Variants in NRK observed in about 807,000 individuals in gnomAD.
NRK encodes Nik related kinase, also known as nik-related protein kinase.
NRK carries 67 observed loss-of-function variants against 125.2 expected under a neutral mutation model. The observed-to-expected ratio is 0.54, with a 90% CI of 0.44 to 0.66. The LOEUF is 0.66. Among genes scored for constraint, NRK ranks in the 30% least tolerant of loss-of-function variants. The pLI is 0.00. For synonymous variants in NRK, 458 were observed against 429.0 expected (o/e 1.07, Z -0.84); for missense variants, 1,224 against 1,192.9 (o/e 1.03, Z -0.38).
chrX:105,880,570 C>A (rs958688541), intron 3 of NRK, among the ~76,000 whole-genome samples: 6 of 110,810 alleles, frequency 5.4e-5, no homozygotes, highest in Admixed American at 9.7e-5. Context: ...CCAGGGATAG[C>A]AAAGAAGAGA....
At chrX:105,952,160 T>C (rs940781300) in intron 27 of NRK, among the ~76,000 whole-genome samples, 2 of 112,465 alleles carry the variant, frequency 1.8e-5, no homozygotes, top group African/African-American at 6.4e-5. Flanking sequence ...ATCATGTTAA[T>C]ATGAGAATGA....
intron 2 of NRK, among the ~76,000 whole-genome samples, chrX:105,854,084 T>C (rs1303270261): frequency 8.9e-6 from 1 of 111,928 alleles, no homozygotes; most frequent in African/African-American, 3.2e-5. Flanking sequence ...CCAGTGCTGA[T>C]GGCTTAGAAT....
chrX:105,881,869 C>G, intron 4 of NRK, 90 bp downstream of exon 4: 1 of 487,511 alleles, frequency 2.1e-6, no homozygotes, highest in South Asian at 3.6e-5. Flanking sequence ...GTCATTATCT[C>G]TAGAAGACTG....
chrX:105,897,746 G>T (rs2040103728), intron 7 of NRK, among the ~76,000 whole-genome samples: 1 of 111,986 alleles, frequency 8.9e-6, no homozygotes, highest in Non-Finnish European at 1.9e-5. Context: ...ACATTTTTTT[G>T]TTGTTGTCGT....
intron 27 of NRK, among the ~76,000 whole-genome samples, chrX:105,950,888 T>C (rs927309434): frequency 1.8e-5 from 2 of 110,890 alleles, no homozygotes; most frequent in Non-Finnish European, 3.8e-5. Context: ...CTGAGATCTC[T>C]ATAAAATGAC....
chrX:105,824,079 A>T (rs1256702028), intron 1 of NRK, among the ~76,000 whole-genome samples: 9 of 112,383 alleles, frequency 8.0e-5, no homozygotes, highest in Non-Finnish European at 1.5e-4. Context: ...TTTACATTAG[A>T]TGCTATATGT....
At chrX:105,854,843 A>C (rs2039513987) in intron 2 of NRK, among the ~76,000 whole-genome samples, 1 of 111,796 alleles carries the variant, frequency 8.9e-6, no homozygotes, top group Non-Finnish European at 1.9e-5. Context: ...TTTAACTTTT[A>C]ACTCTGCCAC....
chrX:105,856,125 A>G (rs911470178), intron 2 of NRK, among the ~76,000 whole-genome samples: 6 of 111,877 alleles, frequency 5.4e-5, no homozygotes, highest in African/African-American at 1.6e-4. Context: ...AGTTACATTA[A>G]CAGTTGCTTA....
intron 16 of NRK, among the ~76,000 whole-genome samples, chrX:105,921,520 A>T (rs185849665): frequency 9.2e-6 from 1 of 109,100 alleles, no homozygotes; most frequent in Non-Finnish European, 1.9e-5. Context: ...TCTCCTCTTG[A>T]GGGTTTTGGC....
At chrX:105,930,361 C>G (rs1031733123) in intron 19 of NRK, among the ~76,000 whole-genome samples, 4 of 109,445 alleles carry the variant, frequency 3.7e-5, no homozygotes, top group Admixed American at 2.0e-4. Flanking sequence ...TATTGAAGCT[C>G]TGTATTGTAT....
In NRK at chrX:105,923,108, G is replaced by A; in HGVS notation, c.2611-10G>A. 1 of 1,187,560 alleles carries A rather than the reference G, an allele frequency of 8.4e-7. No individual in the cohort carries two copies. Among genetic ancestry groups the A allele is most frequent in the Non-Finnish European group, 1.1e-6 (1 of 880,306 alleles). ...ACTAGAGGCTACATTAACCTTTCTT[G>A]TGCACACAGGTTCCAGATGGATTTA... On this transcript the variant is annotated splice_polypyrimidine_tract_variant and intron_variant, in intron 17 of 28. Transcript: ENST00000243300.
chrX:105,828,650 C>T (rs753980008), intron 1 of NRK, among the ~76,000 whole-genome samples: 4 of 111,580 alleles, frequency 3.6e-5, no homozygotes, highest in South Asian at 3.7e-4. Context: ...GACTGTTTCT[C>T]CAGAATTAAC....
rs758621083 is a variant in NRK, at chrX:105,918,722, A to G, written c.2512+1050A>G. Among the ~76,000 whole-genome samples, 174 of 111,077 alleles carry G rather than the reference A, an allele frequency of 1.6e-3. 1 individual carries two copies. Among genetic ancestry groups the G allele is most frequent in the Non-Finnish European group, 1.2e-3 (65 of 52,764 alleles). On this transcript the variant is annotated intron_variant, in intron 16 of 28. Coordinates refer to ENST00000243300, the MANE Select transcript of NRK (RefSeq NM_198465.4). The stretch of plus-strand genomic sequence containing the variant: ...GGTTTATTCATGTGGCATCTTTGAA[A>G]TAAGGAAATTCTGGATTAGATCCCA...
rs1295781932 is a variant in NRK at position 105,923,136 on chromosome X, G to A, written c.2629G>A (p.Val877Ile). Residue 877 changes from valine to isoleucine, a missense_variant, in exon 18 of 29, where the codon GTA (valine) becomes ATA (isoleucine). Transcript: ENST00000243300. Reference sequence around the variant, plus strand: ...CACACAGGTTCCAGATGGATTTAAAGTAGGAAAAATATCACCCCCTGTATA... The same window carrying A: ...CACACAGGTTCCAGATGGATTTAAAATAGGAAAAATATCACCCCCTGTATA... ...VDIHVPDGFKVGKISPPVYLT... is the reference protein window; with the variant it reads ...VDIHVPDGFKIGKISPPVYLT... 1 of 1,202,332 alleles carries A rather than the reference G, an allele frequency of 8.3e-7. No individual in the cohort carries two copies. The highest frequency in any genetic ancestry group is 1.1e-6 in the Non-Finnish European group (1 of 888,433).
chrX:105,934,106 CATT>C (rs1444905337), intron 19 of NRK, among the ~76,000 whole-genome samples, 149 bp from the exon 20 acceptor site: 1 of 111,418 alleles, frequency 9.0e-6, no homozygotes, highest in Non-Finnish European at 1.9e-5. Context: ...CTTCTGATGA[CATT>C]GTTGAGTTTT....
intron 5 of NRK, among the ~76,000 whole-genome samples, chrX:105,889,570 T>C (rs511320): frequency 0.34 from 37,458 of 111,451 alleles, 6,001 homozygotes; most frequent in African/African-American, 0.64. Context: ...CACGAGGACC[T>C]GGCCACTGCA....
chrX:105,891,072 G>A (rs981905557), intron 5 of NRK, among the ~76,000 whole-genome samples: 1 of 111,798 alleles, frequency 8.9e-6, no homozygotes, highest in African/African-American at 3.3e-5. Context: ...ATTCTAATTA[G>A]CACTTGACAT....
chrX:105,831,599 T>C (rs1436367304), intron 2 of NRK, among the ~76,000 whole-genome samples: 1 of 112,370 alleles, frequency 8.9e-6, no homozygotes, highest in Non-Finnish European at 1.9e-5. Flanking sequence ...TGATTACTTA[T>C]GGTAAACACT....
At chrX:105,863,616 C>A (rs1019609989) in intron 2 of NRK, among the ~76,000 whole-genome samples, 1 of 112,106 alleles carries the variant, frequency 8.9e-6, no homozygotes, top group Non-Finnish European at 1.9e-5. Flanking sequence ...TAGAAAGATT[C>A]ATTTTCCATT....
Sources: gnomAD v4.1 joint callset for allele counts (sites outside exome capture counted in the v4.1 genomes callset) on GRCh38, gnomAD v4.1.1 for gene constraint, MANE v1.5 for transcripts, NCBI Gene and HGNC (gene_info 2026-07-23, HGNC 2026-07-21) for gene names.